G3BP2: variants seen among roughly 807,000 people sequenced by gnomAD.
G3BP2 encodes the protein ras GTPase-activating protein-binding protein 2.
In G3BP2, 11 loss-of-function variants were observed where a neutral mutation model predicts 56.7. That is an observed-to-expected ratio of 0.19 (90% CI 0.12 to 0.32). The LOEUF (loss-of-function observed/expected upper bound fraction) is 0.32. Ranked by LOEUF, G3BP2 falls within the 10% of genes least tolerant of loss-of-function variation. The pLI is 1.00. For missense variants in G3BP2, 340 were observed against 610.9 expected (o/e 0.56, Z 4.67); for synonymous variants, 165 against 191.6 (o/e 0.86, Z 1.15).
chr4:75,658,750 AAG>A (rs1252289451), intron 3 of G3BP2, 91 bp downstream of exon 3: 3 of 818,414 alleles, frequency 3.7e-6, no homozygotes, highest in African/African-American at 3.5e-5. Context: ...GAAAGAAAGA[AAG>A]AAAAAAAAAG....
In G3BP2 at chr4:75,655,941, T is replaced by C. The variant is rs572332163; in HGVS notation, c.443-71A>G. ...ATTTCTAACGGACATATTTTTAACA[T>C]GTTTAAGGAAGTGGTATGATAGCAA... On this transcript the variant is annotated intron_variant, in intron 5 of 11. Coordinates refer to ENST00000359707, the MANE Select transcript of G3BP2 (RefSeq NM_203505.3). 8.2e-5 allele frequency: 70 copies of C among 849,800 alleles called. 1 individual carries two copies. In the African/African-American group the frequency reaches 1.1e-3, roughly 13 times the overall value. 52.6% of individuals were successfully genotyped at this position (849,800 alleles called of 1,614,324 possible).
chr4:75,693,239 C>T (rs1256889401), intron 3 of G3BP2, among the ~76,000 whole-genome samples: 1 of 152,028 alleles, frequency 6.6e-6, no homozygotes, highest in East Asian at 1.9e-4. Context: ...GTGCGACTCC[C>T]TCTCAAAATA....
At chr4:75,664,991 T>C (rs1732888136) in intron 1 of G3BP2, among the ~76,000 whole-genome samples, 1 of 152,048 alleles carries the variant, frequency 6.6e-6, no homozygotes, top group Admixed American at 6.5e-5. Flanking sequence ...CCCATCTCTA[T>C]ACAAAAAATT....
At chr4:75,656,093 C>A (rs983081473) in intron 5 of G3BP2, among the ~76,000 whole-genome samples, 1 of 150,312 alleles carries the variant, frequency 6.7e-6, no homozygotes, top group African/African-American at 2.5e-5. Flanking sequence ...TGGGTTCAAA[C>A]GATTCTCCTG....
At position 75,704,130 on chromosome 4, in the gene G3BP2, C is replaced by T. The variant is rs181412407; in HGVS notation, c.-25+16747G>A. Among the ~76,000 whole-genome samples, 659 of 151,404 alleles carry T rather than the reference C, an allele frequency of 4.4e-3. 7 individuals carry two copies. Among genetic ancestry groups the T allele is most frequent in the African/African-American group, 0.015 (629 of 41,214 alleles). ...GCCTCCTGGGTTCAAGGGATTCTCC[C>T]GCCTCAGCCTCCCAAGTAGCTGGGA... On this transcript the variant is annotated intron_variant, in intron 3 of 3. Transcript: ENST00000499709.
At chr4:75,669,920 C>G (rs1028384639) in intron 1 of G3BP2, among the ~76,000 whole-genome samples, 2 of 152,096 alleles carry the variant, frequency 1.3e-5, no homozygotes, top group Admixed American at 1.3e-4. Context: ...TGGCAAAACC[C>G]ATCTCTACTA....
intron 3 of G3BP2, among the ~76,000 whole-genome samples, chr4:75,705,108 A>G (rs1322086415): frequency 6.6e-6 from 1 of 152,156 alleles, no homozygotes; most frequent in Non-Finnish European, 1.5e-5. Context: ...GGGAAGCCAA[A>G]ATATTGGACA....
intron 8 of G3BP2, 195 bp from the exon 9 acceptor site, chr4:75,648,936 T>C (rs1043433071): frequency 1.7e-5 from 7 of 422,734 alleles, no homozygotes; most frequent in Admixed American, 1.4e-4. Context: ...GTAGGTAGCT[T>C]TTGTTTTCCC....
At chr4:75,650,623 C>A (rs896974515) in intron 8 of G3BP2, among the ~76,000 whole-genome samples, 3 of 152,086 alleles carry the variant, frequency 2.0e-5, no homozygotes, top group African/African-American at 7.2e-5. Context: ...TTCTAGAATT[C>A]TACTAGTTAT....
chr4:75,646,235 T>C (rs1242535484), intron 11 of G3BP2, 103 bp downstream of exon 11: 1 of 654,410 alleles, frequency 1.5e-6, no homozygotes, highest in Non-Finnish European at 2.7e-6. Flanking sequence ...ATAACTATTT[T>C]TAGCTTTATT....
At chr4:75,645,847 A>C (rs1578373367) in intron 11 of G3BP2, 145 bp from the exon 12 acceptor site, 4 of 706,870 alleles carry the variant, frequency 5.7e-6, no homozygotes. Context: ...CTCAGCTGTC[A>C]CCCAGGCTGG....
chr4:75,711,057 C>T lies in G3BP2; in HGVS notation c.-25+9820G>A, dbSNP rs148750730. Among the ~76,000 whole-genome samples the T allele has an allele frequency of 2.8e-3, 429 of 152,254 alleles. 4 individuals carry two copies. The highest frequency in any genetic ancestry group is 9.8e-3 in the African/African-American group (407 of 41,552). ...ATTTTCAGCTGGGTGCAGTGGCTCA[C>T]GCCTGTAATCCTAACACTTTGGGAG... On this transcript the variant is annotated intron_variant, in intron 3 of 3. Transcript: ENST00000499709.
chr4:75,673,080 A>G, intron 1 of G3BP2, 128 bp downstream of exon 1: 1 of 1,025,222 alleles, frequency 9.8e-7, no homozygotes, highest in Non-Finnish European at 1.2e-6. Flanking sequence ...GGCAAGAACA[A>G]TGTCTCTGCC....
intron 3 of G3BP2, among the ~76,000 whole-genome samples, chr4:75,707,175 G>GAAA (rs35357713): frequency 2.9e-5 from 3 of 103,612 alleles, no homozygotes; most frequent in African/African-American, 3.9e-5. Context: ...ACTCCGTCTT[G>GAAA]AAAAAAAAAA....
intron 6 of G3BP2, 54 bp from the exon 7 acceptor site, chr4:75,655,300 T>C: frequency 7.9e-7 from 1 of 1,265,206 alleles, no homozygotes; most frequent in Non-Finnish European, 1.1e-6. Flanking sequence ...AAGAAAAAAT[T>C]CAATTTCTCT....
At chr4:75,655,966 A>C in intron 5 of G3BP2, 96 bp from the exon 6 acceptor site, 1 of 694,766 alleles carries the variant, frequency 1.4e-6, no homozygotes, top group East Asian at 2.6e-5. Flanking sequence ...TATGATAGCA[A>C]AAAAGAAAAT....
At chr4:75,669,896 C>T (rs1733349769) in intron 1 of G3BP2, among the ~76,000 whole-genome samples, 1 of 152,124 alleles carries the variant, frequency 6.6e-6, no homozygotes, top group Admixed American at 6.5e-5. Flanking sequence ...AGTTCGAGAC[C>T]AGCCTGACCA....
intron 3 of G3BP2, among the ~76,000 whole-genome samples, chr4:75,693,046 A>T (rs1718933653): frequency 6.6e-6 from 1 of 151,922 alleles, no homozygotes; most frequent in Non-Finnish European, 1.5e-5. Flanking sequence ...GGAATTTGAG[A>T]CCGCCTGGCA....
chr4:75,699,774 T>C (rs913238838), intron 3 of G3BP2, among the ~76,000 whole-genome samples: 1 of 152,198 alleles, frequency 6.6e-6, no homozygotes, highest in Non-Finnish European at 1.5e-5. Context: ...TCTTTAGGCA[T>C]GAGGCTATAT....
Sources: gnomAD v4.1 joint callset for allele counts (sites outside exome capture counted in the v4.1 genomes callset) on GRCh38, gnomAD v4.1.1 for gene constraint, MANE v1.5 for transcripts, NCBI Gene and HGNC (gene_info 2026-07-23, HGNC 2026-07-21) for gene names.